Variants in CFAP299 observed in about 807,000 individuals in gnomAD.
CFAP299 encodes cilia- and flagella-associated protein 299.
CFAP299 carries 21 observed loss-of-function variants against 27.0 expected under a neutral mutation model. The ratio of observed to expected loss-of-function variants is 0.78; its 90% CI spans 0.55 to 1.12. The LOEUF is 1.12. Among genes scored for constraint, CFAP299 ranks in the 50% most tolerant of loss-of-function variants. The pLI is 0.00. For missense variants in CFAP299, 310 were observed against 276.6 expected (o/e 1.12, Z -0.86); for synonymous variants, 104 against 98.1 (o/e 1.06, Z -0.36).
intron 2 of CFAP299, among the ~76,000 whole-genome samples, chr4:80,508,874 G>A (rs1380944803): frequency 6.6e-6 from 1 of 152,126 alleles, no homozygotes; most frequent in Non-Finnish European, 1.5e-5. Context: ...ATGTTTTCAG[G>A]TGTATTGTGG....
chr4:80,504,462 C>CATATATATATATATATATAT (rs56729877), intron 2 of CFAP299, among the ~76,000 whole-genome samples: 2 of 37,760 alleles, frequency 5.3e-5, no homozygotes, highest in Admixed American at 5.3e-4. Flanking sequence ...TAAAATCTCA[C>CATATATATATATATATATAT]ATATATATAT....
At chr4:80,392,283 A>G (rs1296208125) in intron 2 of CFAP299, among the ~76,000 whole-genome samples, 1 of 152,200 alleles carries the variant, frequency 6.6e-6, no homozygotes, top group African/African-American at 2.4e-5. Flanking sequence ...TAATACTAGA[A>G]TGAGTTAAGA....
intron 3 of CFAP299, among the ~76,000 whole-genome samples, chr4:80,689,547 A>G (rs1238587379): frequency 6.6e-6 from 1 of 152,210 alleles, no homozygotes; most frequent in African/African-American, 2.4e-5. Context: ...AGGAAGTGCT[A>G]AACATGGAAA....
intron 4 of CFAP299, among the ~76,000 whole-genome samples, chr4:80,933,443 G>C (rs912500303): frequency 5.3e-5 from 8 of 152,028 alleles, no homozygotes; most frequent in Non-Finnish European, 2.9e-5. Context: ...TGCCCAACAG[G>C]TCCGTGCACG....
the CFAP299 span, among the ~76,000 whole-genome samples, chr4:80,327,748 T>TATATATAA: frequency 1.4e-5 from 2 of 145,586 alleles, no homozygotes; most frequent in African/African-American, 2.5e-5. Flanking sequence ...TATATATATA[T>TATATATAA]GTTGAGAAAG....
chr4:80,776,935 A>G (rs1179340625), intron 3 of CFAP299, among the ~76,000 whole-genome samples: 1 of 151,664 alleles, frequency 6.6e-6, no homozygotes. Context: ...TAACCCTATA[A>G]ATAAAATAGG....
intron 3 of CFAP299, among the ~76,000 whole-genome samples, chr4:80,647,645 C>T (rs1481207125): frequency 1.3e-5 from 2 of 152,088 alleles, no homozygotes; most frequent in Non-Finnish European, 2.9e-5. Context: ...GTGGTGTATG[C>T]TAATCAAGAG....
chr4:80,799,474 T>TA (rs1728136613), intron 3 of CFAP299, among the ~76,000 whole-genome samples: 2 of 89,518 alleles, frequency 2.2e-5, no homozygotes, highest in Non-Finnish European at 3.8e-5. Flanking sequence ...TTTATAAATA[T>TA]ATATTTATTA....
intron 3 of CFAP299, among the ~76,000 whole-genome samples, chr4:80,776,724 C>T (rs780976467): frequency 2.0e-5 from 3 of 151,992 alleles, no homozygotes; most frequent in Non-Finnish European, 4.4e-5. Flanking sequence ...GCATGTTCTG[C>T]ACATGTATCC....
At chr4:80,346,451 A>G (rs550433422) in intron 1 of CFAP299, among the ~76,000 whole-genome samples, 6 of 152,310 alleles carry the variant, frequency 3.9e-5, no homozygotes, top group South Asian at 2.1e-4. Context: ...TAATTTTTGT[A>G]TAAGGTGTAA....
chr4:80,387,740 T>G (rs896087314), intron 2 of CFAP299: 7 of 1,586,744 alleles, frequency 4.4e-6, no homozygotes, highest in Non-Finnish European at 6.1e-6. Context: ...TGGCTTCAGA[T>G]GTGCTGCTGC....
intron 4 of CFAP299, among the ~76,000 whole-genome samples, chr4:80,921,790 G>A (rs946321419): frequency 6.6e-6 from 1 of 151,930 alleles, no homozygotes; most frequent in Non-Finnish European, 1.5e-5. Flanking sequence ...GCTGCTGAGG[G>A]CCTGAACTAG....
At chr4:80,767,698 A>G (rs1469162066) in intron 3 of CFAP299, among the ~76,000 whole-genome samples, 1 of 152,232 alleles carries the variant, frequency 6.6e-6, no homozygotes, top group Non-Finnish European at 1.5e-5. Flanking sequence ...GAAATTGCTG[A>G]AAGGAAATCA....
chr4:80,439,361 T>C (rs1728238094), intron 2 of CFAP299, among the ~76,000 whole-genome samples: 1 of 152,104 alleles, frequency 6.6e-6, no homozygotes, highest in Admixed American at 6.6e-5. Context: ...CTCATCTCAT[T>C]GGGACTGGTT....
At chr4:80,599,876 G>A (rs900543879) in intron 3 of CFAP299, among the ~76,000 whole-genome samples, 1 of 152,042 alleles carries the variant, frequency 6.6e-6, no homozygotes, top group African/African-American at 2.4e-5. Flanking sequence ...TAGCAATGAT[G>A]CAAAGAAGGT....
intron 2 of CFAP299, among the ~76,000 whole-genome samples, chr4:80,403,673 C>T (rs1485297558): frequency 6.6e-6 from 1 of 152,162 alleles, no homozygotes; most frequent in African/African-American, 2.4e-5. Context: ...CATACTACAA[C>T]ATTGCTCTAT....
rs114001682 is a variant in CFAP299, at chr4:80,574,929, A to G, written c.243-8164A>G. 6.9e-3 allele frequency among the ~76,000 whole-genome samples: 1,038 copies of G among 151,474 alleles called. 13 individuals are homozygous for G. Among genetic ancestry groups the G allele is most frequent in the African/African-American group, 0.024 (997 of 41,236 alleles). On this transcript the variant is annotated intron_variant, in intron 2 of 5. Coordinates refer to ENST00000358105, the MANE Select transcript of CFAP299 (RefSeq NM_152770.3). Reference sequence around the variant, plus strand: ...ATTGGCCTGTAGTTTTCTTTTTTTGATGTATCTTTGTAGGTAGTTTTGGTA... The same window carrying G: ...ATTGGCCTGTAGTTTTCTTTTTTTGGTGTATCTTTGTAGGTAGTTTTGGTA...
chr4:80,781,223 G>C lies in CFAP299; in HGVS notation c.334-88770G>C, dbSNP rs1006839720. Among the ~76,000 whole-genome samples, 3 of 151,930 alleles carry C rather than the reference G, an allele frequency of 2.0e-5. No homozygotes were observed. In the East Asian group the frequency reaches 5.8e-4, roughly 29 times the overall value. ...AAAAAGTAACTTCGTGGAAAATTTT[G>C]TCTTTATCATCAGAAGTGTTTTATT... is the stretch of plus-strand genomic sequence containing the variant. On this transcript the variant is annotated intron_variant, in intron 3 of 5. Coordinates refer to ENST00000358105, the MANE Select transcript of CFAP299 (RefSeq NM_152770.3).
chr4:80,590,566 G>A (rs914819622), intron 3 of CFAP299, among the ~76,000 whole-genome samples: 9 of 152,138 alleles, frequency 5.9e-5, no homozygotes, highest in Non-Finnish European at 1.3e-4. Context: ...GAACCCGGGA[G>A]GCGGAGGTTG....
Sources: allele counts gnomAD v4.1 joint callset (sites outside exome capture counted in the v4.1 genomes callset), GRCh38; gene constraint gnomAD v4.1.1; transcripts MANE v1.5; gene names NCBI Gene and HGNC (gene_info 2026-07-23, HGNC 2026-07-21).